Variants in DLC1 observed in about 807,000 individuals in gnomAD.
DLC1 encodes the protein rho GTPase-activating protein 7.
DLC1 carries 54 observed loss-of-function variants against 140.3 expected under a neutral mutation model. The observed-to-expected ratio is 0.38, with a 90% confidence interval of 0.31 to 0.48. DLC1 has a LOEUF of 0.48. DLC1 is among the 20% of genes least tolerant of loss of function. The pLI is 0.96. For missense variants in DLC1, 2,536 were observed against 1,907.0 expected (o/e 1.33, Z -6.14); for synonymous variants, 986 against 728.1 (o/e 1.35, Z -5.70).
At chr8:13,132,553 C>T (rs1429699880) in intron 5 of DLC1, among the ~76,000 whole-genome samples, 1 of 152,148 alleles carries the variant, frequency 6.6e-6, no homozygotes, top group East Asian at 1.9e-4. Flanking sequence ...GAGCGCAGAG[C>T]AGTCCCCAGA....
chr8:13,103,885 A>C (rs1819326617), intron 7 of DLC1, among the ~76,000 whole-genome samples: 1 of 151,342 alleles, frequency 6.6e-6, no homozygotes, highest in Non-Finnish European at 1.5e-5. Context: ...AAAGTTTGTG[A>C]TGTCTCCTTT....
At chr8:13,523,801 G>T (rs1802832461) in intron 1 of DLC1, among the ~76,000 whole-genome samples, 1 of 152,058 alleles carries the variant, frequency 6.6e-6, no homozygotes, top group Non-Finnish European at 1.5e-5. Context: ...GGGACCGTGA[G>T]ATGCTTTTAT....
At chr8:13,494,799 A>C (rs549620332) in intron 2 of DLC1, among the ~76,000 whole-genome samples, 22 of 152,154 alleles carry the variant, frequency 1.4e-4, no homozygotes, top group Admixed American at 1.1e-3. Flanking sequence ...AAAAATATAA[A>C]AATTAGCCAG....
intron 5 of DLC1, among the ~76,000 whole-genome samples, chr8:13,204,938 G>A (rs1489741735): frequency 7.9e-5 from 12 of 152,112 alleles, no homozygotes; most frequent in Admixed American, 3.9e-4. Context: ...CTTACATTTT[G>A]CATCATAACT....
At chr8:13,378,067 TC>T (rs1212428221) in intron 4 of DLC1, among the ~76,000 whole-genome samples, 2 of 148,664 alleles carry the variant, frequency 1.3e-5, no homozygotes, top group Admixed American at 6.6e-5. Context: ...TTGGACATTA[TC>T]CTTTTTTTTA....
At chr8:13,121,309 T>C (rs1332314818) in intron 5 of DLC1, among the ~76,000 whole-genome samples, 3 of 152,288 alleles carry the variant, frequency 2.0e-5, no homozygotes, top group African/African-American at 7.2e-5. Context: ...CAAAGATTCC[T>C]TCAAATGGGA....
In DLC1 at chr8:13,491,720, CCTCTTCTTCCCTCAT is replaced by C. The variant is rs528753765; in HGVS notation, c.1023+7314_1023+7328del. 3.9e-5 allele frequency among the ~76,000 whole-genome samples: 6 copies of C among 152,174 alleles called. No individual in the cohort carries two copies. In the East Asian group the frequency reaches 1.2e-3, roughly 29 times the overall value. On this transcript the variant is annotated intron_variant, in intron 2 of 17. Transcript: ENST00000276297. Reference sequence around the variant, plus strand: ...CCAGATTTTACATGATTCCCTTGTCCCTCTTCTTCCCTCATGTCCTGATTTAGCACAGAACTAGCA... The same window carrying C: ...CCAGATTTTACATGATTCCCTTGTCCGTCCTGATTTAGCACAGAACTAGCA...
At chr8:13,177,911 T>C (rs926066374) in intron 5 of DLC1, among the ~76,000 whole-genome samples, 1 of 152,178 alleles carries the variant, frequency 6.6e-6, no homozygotes, top group Admixed American at 6.5e-5. Context: ...TGTTGGAAAT[T>C]TGTGTTAGAC....
chr8:13,467,827 A>G (rs1800009403), intron 2 of DLC1, among the ~76,000 whole-genome samples: 1 of 152,190 alleles, frequency 6.6e-6, no homozygotes, highest in Non-Finnish European at 1.5e-5. Context: ...TCATCTGTTA[A>G]TAAGTATTAT....
intron 4 of DLC1, among the ~76,000 whole-genome samples, chr8:13,369,809 A>C (rs1835649637): frequency 6.6e-6 from 1 of 151,682 alleles, no homozygotes; most frequent in Non-Finnish European, 1.5e-5. Context: ...ACACAGCCAA[A>C]GTGGTCCACT....
chr8:13,513,542 T>C (rs577421154), intron 1 of DLC1, among the ~76,000 whole-genome samples: 1 of 152,246 alleles, frequency 6.6e-6, no homozygotes, highest in South Asian at 2.1e-4. Flanking sequence ...TCACTTAGTA[T>C]ATTTTGTATT....
chr8:13,583,300 C>G (rs926044414), intron 1 of DLC1, among the ~76,000 whole-genome samples: 7 of 152,182 alleles, frequency 4.6e-5, no homozygotes, highest in Non-Finnish European at 1.0e-4. Flanking sequence ...TATTCCAAAT[C>G]CATTGGTGTC....
chr8:13,214,532 A>T, intron 5 of DLC1: 1 of 685,176 alleles, frequency 1.5e-6, no homozygotes, highest in Non-Finnish European at 2.6e-6. Context: ...CTTACTGAAG[A>T]GCTGTCCCCC....
intron 5 of DLC1, among the ~76,000 whole-genome samples, chr8:13,205,259 G>A (rs138115178): frequency 1.3e-5 from 2 of 152,100 alleles, no homozygotes; most frequent in East Asian, 1.9e-4. Context: ...TGGTACCCCC[G>A]GCAATTGTGC....
intron 3 of DLC1, among the ~76,000 whole-genome samples, chr8:13,397,217 A>C (rs967694922): frequency 2.0e-5 from 3 of 152,130 alleles, no homozygotes; most frequent in Non-Finnish European, 2.9e-5. Flanking sequence ...CCCTCAATAT[A>C]GAGAAGGGAA....
rs570516248 is a variant in DLC1, at chr8:13,099,519, C to A, written c.2818G>T (p.Val940Phe). Residue 940 changes from valine (V) to phenylalanine (F), a missense_variant, in exon 9 of 18, where the codon GTC becomes TTC. Val to Phe is a conservative substitution (Grantham distance 50). Coordinates refer to ENST00000276297, the MANE Select transcript of DLC1 (RefSeq NM_182643.3). ...TTTGGAGAGGACGGGCAGGGAGAGACCGAGTCCAGGGCTGAGTCCGAATCT... is the reference window on the plus strand; with the variant it reads ...TTTGGAGAGGACGGGCAGGGAGAGAACGAGTCCAGGGCTGAGTCCGAATCT... ...EGDSDSALDS[V>F]SPCPSSPKQI... is the part of the protein sequence containing the mutation. 6.2e-7 allele frequency: 1 copy of A among 1,614,168 alleles called. No individual in the cohort carries two copies. Among genetic ancestry groups the A allele is most frequent in the South Asian group, 1.1e-5 (1 of 91,082 alleles).
intron 5 of DLC1, among the ~76,000 whole-genome samples, chr8:13,270,473 A>T (rs181428048): frequency 1.3e-5 from 2 of 152,224 alleles, no homozygotes; most frequent in East Asian, 3.9e-4. Flanking sequence ...GCTCTTTTCC[A>T]TGTTTGGCTC....
intron 13 of DLC1, 150 bp from the exon 14 acceptor site, chr8:13,091,582 G>A: frequency 1.7e-6 from 1 of 601,516 alleles, no homozygotes; most frequent in Non-Finnish European, 2.8e-6. Flanking sequence ...TTTTACTTTG[G>A]TCACCAGAGT....
intron 1 of DLC1, among the ~76,000 whole-genome samples, chr8:13,586,568 G>C (rs553378876): frequency 5.5e-5 from 8 of 146,508 alleles, no homozygotes; most frequent in African/African-American, 1.0e-4. Context: ...TAAATATTTA[G>C]AGAATAATGC....
Sources: gnomAD v4.1 joint callset for allele counts (sites outside exome capture counted in the v4.1 genomes callset) on GRCh38, gnomAD v4.1.1 for gene constraint, MANE v1.5 for transcripts, NCBI Gene and HGNC (gene_info 2026-07-23, HGNC 2026-07-21) for gene names.